WDR7: variants seen among roughly 807,000 people sequenced by gnomAD.
The protein encoded by WDR7 is WD repeat-containing protein 7.
A neutral mutation model predicts 169.4 loss-of-function variants in WDR7; 46 were observed. The ratio of observed to expected loss-of-function variants is 0.27; its 90% confidence interval spans 0.21 to 0.35. The LOEUF is 0.35. WDR7 is among the 10% of genes least tolerant of loss of function. The pLI, the probability that WDR7 is intolerant of heterozygous loss-of-function variation, is 1.00. For missense variants in WDR7, 1,534 were observed against 1,859.3 expected, an observed-to-expected ratio of 0.83 and a Z score of 3.22; for synonymous variants, 612 against 666.8, an observed-to-expected ratio of 0.92 and a Z score of 1.27.
Position 56,996,057 on chromosome 18 carries a change from G to A in WDR7, c.4165-24688G>A, listed in dbSNP as rs185101926. Among the ~76,000 whole-genome samples, 5 of 152,264 alleles carry A rather than the reference G, an allele frequency of 3.3e-5. No individual in the cohort carries two copies. The East Asian group carries it at 5.8e-4, about 18-fold the overall frequency. On this transcript the variant is annotated intron_variant, in intron 26 of 27. Coordinates refer to ENST00000254442, the MANE Select transcript of WDR7 (RefSeq NM_015285.3). ...ATTTGAGATGTGCCAAAGGGATATG[G>A]AGCATCAGCATGTCCCACTTTTTAA...
intron 19 of WDR7, among the ~76,000 whole-genome samples, chr18:56,785,912 C>T (rs948945038): frequency 3.3e-5 from 5 of 151,550 alleles, no homozygotes; most frequent in East Asian, 1.9e-4. Context: ...GGGATCTTCC[C>T]GCCTCAGCCT....
chr18:56,961,076 A>G (rs2047332830), intron 25 of WDR7, among the ~76,000 whole-genome samples: 1 of 152,116 alleles, frequency 6.6e-6, no homozygotes, highest in Non-Finnish European at 1.5e-5. Context: ...TGTTCAGTGT[A>G]TTACTTGATA....
chr18:56,947,149 G>A lies in WDR7; in HGVS notation c.4064+7756G>A, dbSNP rs2047114627. ...GATGTTTTATCACTGTAACAAATAT[G>A]GCTGTATTATTTTATAGGAATCAAA... On this transcript the variant is annotated intron_variant, in intron 25 of 27. Coordinates refer to ENST00000254442, the MANE Select transcript of WDR7 (RefSeq NM_015285.3). Among the ~76,000 whole-genome samples, 4 of 152,064 alleles carry A rather than the reference G, an allele frequency of 2.6e-5. No individual in the cohort carries two copies. In the South Asian group the frequency reaches 8.3e-4, roughly 32 times the overall value.
At chr18:57,010,067 A>C in intron 26 of WDR7, 17 of 985,500 alleles carry the variant, frequency 1.7e-5, no homozygotes, top group Non-Finnish European at 1.9e-5. Flanking sequence ...TGAAATGTCT[A>C]GAAAGGGTGG....
At chr18:56,870,841 T>A (rs2045942449) in intron 20 of WDR7, among the ~76,000 whole-genome samples, 1 of 152,190 alleles carries the variant, frequency 6.6e-6, no homozygotes, top group South Asian at 2.1e-4. Context: ...AAAGTACATC[T>A]AAAGACAATT....
rs554758543 is a variant in WDR7 at position 56,676,717 on chromosome 18, G to T, written c.160-2615G>T. Among the ~76,000 whole-genome samples the T allele has an allele frequency of 7.6e-5, 11 of 145,542 alleles. No individual in the cohort carries two copies. In the East Asian group the frequency reaches 1.2e-3, roughly 16 times the overall value. ...TTTAACTTTTTTTTTTGTTTTTTTG[G>T]TTTTTTTTTTGGGAGACAGGGTCCC... On this transcript the variant is annotated intron_variant, in intron 2 of 27. Coordinates refer to ENST00000254442, the MANE Select transcript of WDR7 (RefSeq NM_015285.3).
chr18:56,783,849 C>T (rs1436184381), intron 19 of WDR7, among the ~76,000 whole-genome samples: 1 of 151,964 alleles, frequency 6.6e-6, no homozygotes, highest in Non-Finnish European at 1.5e-5. Context: ...TATTTTATTC[C>T]TGGGAAGAAG....
chr18:56,843,944 C>T (rs372086489), intron 20 of WDR7, among the ~76,000 whole-genome samples: 8 of 150,402 alleles, frequency 5.3e-5, no homozygotes, highest in Non-Finnish European at 1.0e-4. Flanking sequence ...TTCACTGCAA[C>T]GTCTGCCTCC....
At chr18:56,681,190 CTG>C (rs2025344822) in intron 3 of WDR7, 121 bp from the exon 4 acceptor site, 1 of 746,646 alleles carries the variant, frequency 1.3e-6, no homozygotes, top group Non-Finnish European at 2.2e-6. Context: ...ACAGTAATAA[CTG>C]TATGCTACTT....
intron 22 of WDR7, among the ~76,000 whole-genome samples, chr18:56,929,089 C>T (rs931734967): frequency 2.6e-5 from 4 of 151,894 alleles, no homozygotes; most frequent in Non-Finnish European, 5.9e-5. Flanking sequence ...TGAGACCAGC[C>T]TGGGCAACAT....
chr18:56,722,214 G>T (rs2026337828), intron 13 of WDR7, among the ~76,000 whole-genome samples: 2 of 152,160 alleles, frequency 1.3e-5, no homozygotes, highest in African/African-American at 4.8e-5. Context: ...AAGTCTTAGT[G>T]ACTGTTATTC....
In WDR7 at chr18:56,691,662, A is replaced by C; in HGVS notation, c.864-53A>C. On this transcript the variant is annotated intron_variant, in intron 8 of 27. Transcript: ENST00000254442. ...AACAAACCTTGTCATATGGAATTATAAAGTATTTAATGTCAGTATTTTAAT... is the reference window on the plus strand; with the variant it reads ...AACAAACCTTGTCATATGGAATTATCAAGTATTTAATGTCAGTATTTTAAT... 2.1e-6 allele frequency: 3 copies of C among 1,461,278 alleles called. No homozygotes were observed. In the South Asian group the frequency reaches 3.9e-5, roughly 19 times the overall value. 90.5% of individuals were successfully genotyped at this position (1,461,278 alleles called of 1,614,324 possible).
At chr18:56,900,654 G>C (rs1023765231) in intron 21 of WDR7, among the ~76,000 whole-genome samples, 5 of 152,148 alleles carry the variant, frequency 3.3e-5, no homozygotes, top group African/African-American at 1.2e-4. Context: ...GTGATTCCTA[G>C]GGGAACATCG....
At chr18:56,781,296 T>A (rs980088908) in intron 18 of WDR7, among the ~76,000 whole-genome samples, 10 of 152,342 alleles carry the variant, frequency 6.6e-5, no homozygotes, top group African/African-American at 2.4e-4. Flanking sequence ...TGAAACCTAA[T>A]TCTTTCCATT....
At chr18:56,712,793 A>G (rs1055426217) in intron 12 of WDR7, among the ~76,000 whole-genome samples, 6 of 152,228 alleles carry the variant, frequency 3.9e-5, no homozygotes, top group African/African-American at 1.2e-4. Context: ...AGCAGCGGTT[A>G]CTGAAGTAGA....
chr18:56,896,756 T>C (rs1192855940), intron 21 of WDR7, among the ~76,000 whole-genome samples: 4 of 151,728 alleles, frequency 2.6e-5, no homozygotes, highest in Admixed American at 6.6e-5. Flanking sequence ...AATATGACCT[T>C]GGAATGGGGA....
At chr18:56,863,353 A>C (rs1023171103) in intron 20 of WDR7, among the ~76,000 whole-genome samples, 1 of 151,736 alleles carries the variant, frequency 6.6e-6, no homozygotes, top group Non-Finnish European at 1.5e-5. Context: ...TTGATTCTGT[A>C]GTGAGTAAGA....
chr18:56,784,817 A>G (rs1342279757), intron 19 of WDR7, among the ~76,000 whole-genome samples: 1 of 151,788 alleles, frequency 6.6e-6, no homozygotes, highest in Non-Finnish European at 1.5e-5. Flanking sequence ...TTTTGTATTT[A>G]TGTAAGTCTT....
At chr18:56,809,109 T>C (rs2044825475) in intron 19 of WDR7, among the ~76,000 whole-genome samples, 1 of 152,134 alleles carries the variant, frequency 6.6e-6, no homozygotes. Context: ...TGATGCATGA[T>C]ATAAAACTCA....
Sources: allele counts gnomAD v4.1 joint callset (sites outside exome capture counted in the v4.1 genomes callset), GRCh38; gene constraint gnomAD v4.1.1; transcripts MANE v1.5; gene names NCBI Gene and HGNC (gene_info 2026-07-23, HGNC 2026-07-21).